Variants in TCF4 observed in about 807,000 individuals in gnomAD.
The protein encoded by TCF4 is transcription factor 4.
TCF4 carries 3 observed loss-of-function variants against 82.1 expected under a neutral mutation model. The observed-to-expected ratio is 0.04, with a 90% CI of 0.02 to 0.09. TCF4 has a LOEUF of 0.09. Ranked by LOEUF, TCF4 falls within the 10% of genes least tolerant of loss-of-function variation. TCF4 has a pLI of 1.00. For synonymous variants in TCF4, 276 were observed against 309.6 expected (o/e 0.89, Z 1.14); for missense variants, 518 against 852.7 (o/e 0.61, Z 4.89).
At chr18:55,543,528 T>C (rs2097181546) in intron 3 of TCF4, among the ~76,000 whole-genome samples, 2 of 152,090 alleles carry the variant, frequency 1.3e-5, no homozygotes, top group African/African-American at 2.4e-5. Context: ...CTGTTCAACG[T>C]CCATTATTCT....
At chr18:55,624,155 T>G (rs1427099530) in intron 2 of TCF4, among the ~76,000 whole-genome samples, 1 of 152,192 alleles carries the variant, frequency 6.6e-6, no homozygotes, top group Non-Finnish European at 1.5e-5. Flanking sequence ...TTTTTGTGTT[T>G]GTTAATGGTC....
intron 6 of TCF4, among the ~76,000 whole-genome samples, chr18:55,370,842 T>C (rs1471389290): frequency 2.6e-5 from 4 of 152,142 alleles, no homozygotes; most frequent in East Asian, 1.9e-4. Context: ...AGGGAAATAA[T>C]GAACAGAGAA....
rs528507292 is a variant in TCF4, at chr18:55,624,021, A to T, written c.286+7277T>A. 2.6e-5 allele frequency among the ~76,000 whole-genome samples: 4 copies of T among 152,278 alleles called. No homozygotes were observed. The East Asian group carries it at 7.7e-4, about 29-fold the overall frequency. On this transcript the variant is annotated intron_variant, in intron 2 of 20. Transcript: ENST00000398339. ...ATTGTGGCAAATTTGAGAATGAGAT[A>T]ATACATTTCTTATTTTTATTAGAAT...
At chr18:55,237,707 GC>G (rs2049963590) in intron 15 of TCF4, among the ~76,000 whole-genome samples, 1 of 152,100 alleles carries the variant, frequency 6.6e-6, no homozygotes, top group Non-Finnish European at 1.5e-5. Context: ...TAGGTCCAGA[GC>G]CATGTAATAA....
rs2046810846 is a variant in TCF4, at chr18:55,227,900, T to G, written c.*135A>C. 1 of 266,594 alleles carries G rather than the reference T, an allele frequency of 3.8e-6. No individual in the cohort carries two copies. Among genetic ancestry groups the G allele is most frequent in the Non-Finnish European group, 7.3e-6 (1 of 137,048 alleles). 16.5% of individuals were successfully genotyped at this position (266,594 alleles called of 1,614,324 possible). On this transcript the variant is annotated 3_prime_UTR_variant, in exon 20 of 20. Coordinates refer to ENST00000354452, the MANE Select transcript of TCF4 (RefSeq NM_001083962.2). ...ATGCTGAAACCTCTTGCGTCTGCGATTCATAACTACTCAGACTTGTCTTAT... is the reference window on the plus strand; with the variant it reads ...ATGCTGAAACCTCTTGCGTCTGCGAGTCATAACTACTCAGACTTGTCTTAT...
At chr18:55,489,756 A>C (rs1382552416) in intron 3 of TCF4, among the ~76,000 whole-genome samples, 1 of 152,178 alleles carries the variant, frequency 6.6e-6, no homozygotes, top group Non-Finnish European at 1.5e-5. Flanking sequence ...CGTTGCTTTC[A>C]AATCTCCCCC....
At chr18:55,272,408 G>C (rs527329937) in intron 10 of TCF4, among the ~76,000 whole-genome samples, 9 of 152,076 alleles carry the variant, frequency 5.9e-5, no homozygotes, top group African/African-American at 2.2e-4. Context: ...TCTTACTCCA[G>C]CTATTACTGT....
At chr18:55,322,425 GAAA>G (rs967879627) in intron 8 of TCF4, 1,327 of 774,620 alleles carry the variant, frequency 1.7e-3, no homozygotes, top group South Asian at 3.6e-3. Flanking sequence ...GGGGAGGGAA[GAAA>G]AAAAAAAAAA....
chr18:55,459,158 C>T (rs1219695612), intron 5 of TCF4, among the ~76,000 whole-genome samples: 2 of 152,110 alleles, frequency 1.3e-5, no homozygotes, highest in African/African-American at 2.4e-5. Flanking sequence ...GGAAGGAGGG[C>T]AGACAGGATA....
intron 2 of TCF4, among the ~76,000 whole-genome samples, chr18:55,601,161 C>A (rs943203710): frequency 2.6e-5 from 4 of 152,138 alleles, no homozygotes; most frequent in African/African-American, 9.7e-5. Flanking sequence ...CACAAAAATA[C>A]ATATATAGAA....
chr18:55,310,321 T>C (rs2071913898), intron 8 of TCF4, among the ~76,000 whole-genome samples: 1 of 152,224 alleles, frequency 6.6e-6, no homozygotes, highest in Non-Finnish European at 1.5e-5. Context: ...AAATCAGAGC[T>C]GCCATTCCCG....
rs1599234002 is a variant in TCF4 at position 55,222,643 on chromosome 18, C to G, written c.*5392G>C. On this transcript the variant is annotated 3_prime_UTR_variant, in exon 20 of 20. Coordinates refer to ENST00000354452, the MANE Select transcript of TCF4 (RefSeq NM_001083962.2). ...ATACCACGTACTTGATTAGAACATTCTGTTATGAAGCGCTCAGCTACCGCG... is the reference window on the plus strand; with the variant it reads ...ATACCACGTACTTGATTAGAACATTGTGTTATGAAGCGCTCAGCTACCGCG... The G allele has an allele frequency of 6.6e-6, 1 of 152,612 alleles. No individual in the cohort carries two copies. The highest frequency in any genetic ancestry group is 1.9e-4 in the East Asian group (1 of 5,202). The allele number at this position is 152,612 out of a possible 1,614,324, so 9.5% of individuals were successfully genotyped here.
intron 3 of TCF4, chr18:55,550,423 C>A (rs1403906874): frequency 1.3e-5 from 2 of 152,180 alleles, no homozygotes; most frequent in East Asian, 3.9e-4. Flanking sequence ...TCACTGCCAA[C>A]AATGCGTTCC....
At chr18:55,489,507 C>G (rs2096553396) in intron 3 of TCF4, among the ~76,000 whole-genome samples, 1 of 152,088 alleles carries the variant, frequency 6.6e-6, no homozygotes, top group African/African-American at 2.4e-5. Context: ...AGTGGACCCA[C>G]AGTGCACCAA....
chr18:55,467,556 A>G (rs2096058628), intron 3 of TCF4, among the ~76,000 whole-genome samples: 1 of 152,128 alleles, frequency 6.6e-6, no homozygotes. Context: ...TGCATGCCCC[A>G]CACCACCAAC....
chr18:55,397,123 T>C (rs1427568959), intron 6 of TCF4, among the ~76,000 whole-genome samples: 1 of 152,216 alleles, frequency 6.6e-6, no homozygotes, highest in Non-Finnish European at 1.5e-5. Context: ...GGGGAAAGAT[T>C]CCTTTACAAT....
At chr18:55,310,758 C>T (rs1220673438) in intron 8 of TCF4, among the ~76,000 whole-genome samples, 2 of 152,156 alleles carry the variant, frequency 1.3e-5, no homozygotes, top group African/African-American at 4.8e-5. Flanking sequence ...TAAACAATGT[C>T]CGTAATGCCA....
chr18:55,495,284 G>A (rs1157943765), intron 3 of TCF4, among the ~76,000 whole-genome samples: 9 of 150,918 alleles, frequency 6.0e-5, no homozygotes, highest in African/African-American at 1.9e-4. Flanking sequence ...CCAAAAAGTC[G>A]GTGGAGAATA....
intron 3 of TCF4, among the ~76,000 whole-genome samples, chr18:55,479,744 G>A (rs76232056): frequency 0.011 from 1,739 of 152,268 alleles, 17 homozygotes; most frequent in Non-Finnish European, 0.019. Flanking sequence ...CTGTGACACC[G>A]GAGGGTAATA....
Sources: allele counts gnomAD v4.1 joint callset (sites outside exome capture counted in the v4.1 genomes callset), GRCh38; gene constraint gnomAD v4.1.1; transcripts MANE v1.5; gene names NCBI Gene and HGNC (gene_info 2026-07-23, HGNC 2026-07-21).